Variants in NAALADL2 observed in about 807,000 individuals in gnomAD.
The protein encoded by NAALADL2 is N-acetylated alpha-linked acidic dipeptidase like 2.
Under a neutral mutation model 87.2 loss-of-function variants are expected in NAALADL2, and 76 were observed. The ratio of observed to expected loss-of-function variants is 0.87; its 90% confidence interval spans 0.72 to 1.05. The LOEUF (loss-of-function observed/expected upper bound fraction) is 1.05, where lower values mean the gene tolerates loss of function less well. NAALADL2 is among the 50% of genes least tolerant of loss of function. The pLI is 0.00. For missense variants in NAALADL2, 1,089 were observed against 945.8 expected (o/e 1.15, Z -1.99); for synonymous variants, 354 against 331.0 (o/e 1.07, Z -0.75).
intron 2 of NAALADL2, among the ~76,000 whole-genome samples, chr3:175,180,380 C>T (rs1736287765): frequency 6.6e-6 from 1 of 151,936 alleles, no homozygotes; most frequent in South Asian, 2.1e-4. Flanking sequence ...GTAAACCCAA[C>T]ACCACCTTTA....
At chr3:175,302,230 T>A (rs1268400354) in intron 4 of NAALADL2, among the ~76,000 whole-genome samples, 1 of 152,172 alleles carries the variant, frequency 6.6e-6, no homozygotes, top group Non-Finnish European at 1.5e-5. Context: ...AGGAATTAAG[T>A]AATACAGAAA....
At chr3:174,539,108 T>TAAACA (rs1325773397) in intron 1 of NAALADL2, among the ~76,000 whole-genome samples, 1 of 152,056 alleles carries the variant, frequency 6.6e-6, no homozygotes, top group Non-Finnish European at 1.5e-5. Context: ...AATCTAATAA[T>TAAACA]ATGTGTCAGT....
chr3:175,246,437 G>A (rs1233904570), intron 3 of NAALADL2, among the ~76,000 whole-genome samples: 1 of 152,238 alleles, frequency 6.6e-6, no homozygotes, highest in East Asian at 1.9e-4. Flanking sequence ...CTTAGAGAAC[G>A]AGAAAGGCTC....
chr3:174,968,433 C>T (rs1743162336), intron 1 of NAALADL2, among the ~76,000 whole-genome samples: 1 of 152,058 alleles, frequency 6.6e-6, no homozygotes, highest in Admixed American at 6.6e-5. Context: ...AATAAGGAAA[C>T]ACAACTAGTA....
intron 8 of NAALADL2, among the ~76,000 whole-genome samples, chr3:175,470,467 A>G (rs1297678320): frequency 6.6e-6 from 1 of 152,172 alleles, no homozygotes; most frequent in Non-Finnish European, 1.5e-5. Flanking sequence ...ACTCCATAAA[A>G]TTATATCATT....
chr3:175,511,664 C>T (rs1356656748), intron 9 of NAALADL2, among the ~76,000 whole-genome samples: 1 of 152,188 alleles, frequency 6.6e-6, no homozygotes, highest in African/African-American at 2.4e-5. Flanking sequence ...TCATTGTTAT[C>T]CCACAGTTTA....
Position 174,969,823 on chromosome 3 carries a change from A to T in NAALADL2, c.43+110373A>T, listed in dbSNP as rs545590583. On this transcript the variant is annotated intron_variant, in intron 1 of 13. Transcript: ENST00000454872. ...TTACAGGTTTGTTTCCATGGACACC[A>T]ATCAGTAGCAGAAGACAGAAAATAA... is the stretch of plus-strand genomic sequence containing the variant. Among the ~76,000 whole-genome samples the T allele has an allele frequency of 3.9e-5, 6 of 152,342 alleles. No homozygotes were observed. The South Asian group carries it at 1.0e-3, about 26-fold the overall frequency.
intron 3 of NAALADL2, among the ~76,000 whole-genome samples, chr3:174,831,068 C>A (rs1189544990): frequency 0.024 from 3,555 of 151,020 alleles, 118 homozygotes; most frequent in African/African-American, 0.082. Context: ...GACAATTTGA[C>A]TTCCTCTTTT....
chr3:175,486,631 C>G (rs200165704), intron 9 of NAALADL2, among the ~76,000 whole-genome samples: 1 of 152,112 alleles, frequency 6.6e-6, no homozygotes, highest in Non-Finnish European at 1.5e-5. Flanking sequence ...AGGCCCCACT[C>G]GCTCTCTAGA....
intron 1 of NAALADL2, among the ~76,000 whole-genome samples, chr3:174,492,727 A>G (rs932077804): frequency 2.0e-5 from 3 of 152,256 alleles, no homozygotes; most frequent in Non-Finnish European, 4.4e-5. Flanking sequence ...TATTATTTCT[A>G]GATCACTTCC....
At chr3:174,620,146 C>G (rs1720857316) in intron 2 of NAALADL2, among the ~76,000 whole-genome samples, 1 of 151,992 alleles carries the variant, frequency 6.6e-6, no homozygotes, top group Non-Finnish European at 1.5e-5. Flanking sequence ...CATGGCCATC[C>G]TCTTTCATTT....
chr3:175,688,419 G>A (rs1460493981), intron 11 of NAALADL2, among the ~76,000 whole-genome samples: 3 of 152,144 alleles, frequency 2.0e-5, no homozygotes, highest in Non-Finnish European at 4.4e-5. Flanking sequence ...GGGAGAGACA[G>A]AATTGGGCTG....
intron 13 of NAALADL2, among the ~76,000 whole-genome samples, chr3:175,766,340 C>A (rs1389922416): frequency 2.6e-5 from 4 of 152,040 alleles, no homozygotes; most frequent in African/African-American, 9.7e-5. Flanking sequence ...TAGAGGGGGG[C>A]TCAGTAGACG....
intron 1 of NAALADL2, among the ~76,000 whole-genome samples, chr3:174,998,387 G>C (rs1220093940): frequency 6.6e-6 from 1 of 152,120 alleles, no homozygotes; most frequent in African/African-American, 2.4e-5. Context: ...GATTTTATTT[G>C]CCTTTTGGGC....
intron 1 of NAALADL2, among the ~76,000 whole-genome samples, chr3:175,002,910 G>A (rs755781800): frequency 8.5e-5 from 13 of 152,266 alleles, no homozygotes; most frequent in East Asian, 1.9e-4. Context: ...ATAAACTTGC[G>A]TGACAGGCAA....
At chr3:175,454,025 T>G (rs879314720) in intron 6 of NAALADL2, among the ~76,000 whole-genome samples, 1 of 152,088 alleles carries the variant, frequency 6.6e-6, no homozygotes, top group Non-Finnish European at 1.5e-5. Context: ...GGAGCACTGT[T>G]TGTATTGGTA....
chr3:175,461,489 C>G (rs954749188), intron 6 of NAALADL2, among the ~76,000 whole-genome samples: 1 of 152,152 alleles, frequency 6.6e-6, no homozygotes, highest in South Asian at 2.1e-4. Flanking sequence ...CTAATCACGA[C>G]ACCCCAACAG....
At chr3:175,523,957 A>G (rs1468955521) in intron 9 of NAALADL2, among the ~76,000 whole-genome samples, 1 of 152,232 alleles carries the variant, frequency 6.6e-6, no homozygotes, top group Non-Finnish European at 1.5e-5. Flanking sequence ...CTTGAACTGC[A>G]TTCTTTTAGT....
intron 1 of NAALADL2, among the ~76,000 whole-genome samples, chr3:174,941,918 G>A (rs188904696): frequency 6.6e-6 from 1 of 152,108 alleles, no homozygotes; most frequent in East Asian, 1.9e-4. Flanking sequence ...TGACTCTCTT[G>A]AAGACAGCAT....
Sources: allele counts gnomAD v4.1 joint callset (sites outside exome capture counted in the v4.1 genomes callset), GRCh38; gene constraint gnomAD v4.1.1; transcripts MANE v1.5; gene names NCBI Gene and HGNC (gene_info 2026-07-23, HGNC 2026-07-21).